Variants in EIF4G3 observed in about 807,000 individuals in gnomAD.
The protein encoded by EIF4G3 is eukaryotic translation initiation factor 4 gamma 3.
EIF4G3 carries 34 observed loss-of-function variants against 186.4 expected under a neutral mutation model. The ratio of observed to expected loss-of-function variants is 0.18; its 90% CI spans 0.14 to 0.24. The LOEUF is 0.24. EIF4G3 is among the 10% of genes least tolerant of loss of function. EIF4G3 has a pLI of 1.00. For synonymous variants in EIF4G3, 673 were observed against 679.5 expected, an observed-to-expected ratio of 0.99 and a Z score of 0.15; for missense variants, 1,536 against 1,948.5, an observed-to-expected ratio of 0.79 and a Z score of 3.99.
intron 18 of EIF4G3, among the ~76,000 whole-genome samples, chr1:20,887,260 C>T (rs1460467883): frequency 6.6e-6 from 1 of 151,398 alleles, no homozygotes; most frequent in East Asian, 1.9e-4. Flanking sequence ...AAGGGCTAGC[C>T]ATTAGATTTC....
intron 34 of EIF4G3, among the ~76,000 whole-genome samples, chr1:20,813,719 C>A (rs1393686492): frequency 6.7e-6 from 1 of 150,076 alleles, no homozygotes; most frequent in African/African-American, 2.5e-5. Context: ...ACACAAAAAT[C>A]AGCTGGGTAT....
intron 27 of EIF4G3, 118 bp downstream of exon 27, chr1:20,853,442 C>A: frequency 5.0e-6 from 3 of 605,640 alleles, no homozygotes; most frequent in Non-Finnish European, 8.9e-6. Flanking sequence ...AAGAAATCAA[C>A]TTTAGGAATA....
chr1:21,147,754 T>G (rs2097474853), intron 2 of EIF4G3, among the ~76,000 whole-genome samples: 1 of 152,124 alleles, frequency 6.6e-6, no homozygotes, highest in Non-Finnish European at 1.5e-5. Context: ...GCCTTACAAG[T>G]AATAAAAGAA....
chr1:21,094,101 T>TA lies in EIF4G3; in HGVS notation c.-271-4889dup, dbSNP rs201017147. On this transcript the variant is annotated intron_variant, in intron 2 of 36. Coordinates refer to ENST00000602326, the MANE Select transcript of EIF4G3 (RefSeq NM_001391906.1). ...ATGTACCCTAAAACTTAAAGTATAA[T>TA]AAAAAAAATTTTTTTTTTTTTTTAA... Among the ~76,000 whole-genome samples, 361 of 149,540 alleles carry TA rather than the reference T, an allele frequency of 2.4e-3. 2 individuals are homozygous for TA. Among genetic ancestry groups the TA allele is most frequent in the South Asian group, 9.0e-3 (42 of 4,680 alleles).
At chr1:21,047,451 T>A (rs2093956206) in intron 4 of EIF4G3, among the ~76,000 whole-genome samples, 1 of 152,170 alleles carries the variant, frequency 6.6e-6, no homozygotes, top group East Asian at 1.9e-4. Context: ...GTCTCATTCC[T>A]CACCTTCCCG....
chr1:21,064,840 A>C (rs2095145891), intron 3 of EIF4G3: 1 of 152,152 alleles, frequency 6.6e-6, no homozygotes. Context: ...TCCTCAGAAG[A>C]TGTGGAGTGA....
At chr1:20,945,347 A>G (rs559837033) in intron 13 of EIF4G3, among the ~76,000 whole-genome samples, 11 of 152,366 alleles carry the variant, frequency 7.2e-5, no homozygotes, top group Middle Eastern at 3.4e-3. Context: ...TAAATGTTCA[A>G]CAATAGAGAT....
intron 5 of EIF4G3, among the ~76,000 whole-genome samples, chr1:21,002,273 A>T (rs1019530692): frequency 1.3e-5 from 2 of 152,212 alleles, no homozygotes; most frequent in Admixed American, 6.5e-5. Context: ...GTTAGAACAG[A>T]TCTAATAACA....
intron 2 of EIF4G3, among the ~76,000 whole-genome samples, chr1:21,123,667 A>G (rs1056984665): frequency 3.9e-5 from 6 of 152,144 alleles, no homozygotes; most frequent in African/African-American, 1.4e-4. Flanking sequence ...ATAAAAAGGG[A>G]AGTGAGTGGC....
rs542155043 is a variant in EIF4G3, at chr1:20,921,413, G to A, written c.1664-16442C>T. On this transcript the variant is annotated intron_variant, in intron 14 of 36. Transcript: ENST00000602326. ...AATCTGAATGCAGTGTTGAAGCGGTGTATCAGCTTAACCAACAGTGTGCCT... is the reference window on the plus strand; with the variant it reads ...AATCTGAATGCAGTGTTGAAGCGGTATATCAGCTTAACCAACAGTGTGCCT... 2.0e-5 allele frequency among the ~76,000 whole-genome samples: 3 copies of A among 152,302 alleles called. No homozygotes were observed. The East Asian group carries it at 5.8e-4, about 29-fold the overall frequency.
chr1:20,823,982 A>C (rs2063014723), intron 33 of EIF4G3, among the ~76,000 whole-genome samples: 1 of 152,250 alleles, frequency 6.6e-6, no homozygotes, highest in African/African-American at 2.4e-5. Context: ...CTGGGAGCCA[A>C]GGTAATACTG....
intron 20 of EIF4G3, among the ~76,000 whole-genome samples, chr1:20,870,761 G>T (rs2078955990): frequency 6.6e-6 from 1 of 152,206 alleles, no homozygotes; most frequent in Admixed American, 6.5e-5. Flanking sequence ...CCTCCAAAAA[G>T]AAATGCTGAA....
In EIF4G3 at chr1:21,176,258, C is replaced by CGCCGCTGCT. The variant is rs1558321886; in HGVS notation, c.-356_-355insAGCAGCGGC. 5.3e-6 allele frequency: 2 copies of CGCCGCTGCT among 376,076 alleles called. No homozygotes were observed. Among genetic ancestry groups the CGCCGCTGCT allele is most frequent in the African/African-American group, 4.4e-5 (2 of 45,972 alleles). 23.3% of individuals were successfully genotyped at this position (376,076 alleles called of 1,614,324 possible). On this transcript the variant is annotated 5_prime_UTR_variant, in exon 2 of 37. Transcript: ENST00000602326. ...CCGCCGCCGCCGCCGCCGCCGCCGC[C>CGCCGCTGCT]GCCGCCGCTGCTGCCGCCGCCGGGT...
intron 14 of EIF4G3, among the ~76,000 whole-genome samples, chr1:20,923,229 C>T (rs1282809321): frequency 6.6e-6 from 1 of 152,036 alleles, no homozygotes; most frequent in East Asian, 1.9e-4. Flanking sequence ...GTTGCCCCAA[C>T]AGCACAGTAT....
chr1:21,040,982 G>C (rs1278361858), intron 4 of EIF4G3, among the ~76,000 whole-genome samples: 1 of 151,114 alleles, frequency 6.6e-6, no homozygotes. Context: ...CCCTTTTTTT[G>C]GTCTATAAAT....
chr1:21,045,694 C>T (rs548898288), intron 4 of EIF4G3, among the ~76,000 whole-genome samples: 1 of 152,130 alleles, frequency 6.6e-6, no homozygotes, highest in African/African-American at 2.4e-5. Flanking sequence ...TGAAAATTAA[C>T]TAAGTTAAAG....
chr1:21,113,179 T>TATGTAATG (rs1452686520), intron 2 of EIF4G3, among the ~76,000 whole-genome samples: 1 of 146,100 alleles, frequency 6.8e-6, no homozygotes, highest in Non-Finnish European at 1.5e-5. Flanking sequence ...AAAAAAGAGC[T>TATGTAATG]ATGTAATGTT....
chr1:20,831,388 G>A (rs1005886738), intron 30 of EIF4G3, among the ~76,000 whole-genome samples: 7 of 150,916 alleles, frequency 4.6e-5, no homozygotes, highest in Non-Finnish European at 7.4e-5. Context: ...GAAGGCAGGA[G>A]AAAAAGAGCC....
At chr1:20,882,195 ACACACACACACACACACAC>A (rs2082566634) in intron 19 of EIF4G3, among the ~76,000 whole-genome samples, 4 of 151,774 alleles carry the variant, frequency 2.6e-5, no homozygotes, top group South Asian at 2.1e-4. Flanking sequence ...ACACACACAC[ACACACACACACACACACAC>A]AAAATCATTT....
Sources: allele counts gnomAD v4.1 joint callset (sites outside exome capture counted in the v4.1 genomes callset), GRCh38; gene constraint gnomAD v4.1.1; transcripts MANE v1.5; gene names NCBI Gene and HGNC (gene_info 2026-07-23, HGNC 2026-07-21).